The following RASGEF1B variants were observed in gnomAD, a reference collection of about 807,000 sequenced individuals.
RASGEF1B encodes the protein RasGEF domain family member 1B.
Under a neutral mutation model 65.7 loss-of-function variants are expected in RASGEF1B, and 30 were observed. The ratio of observed to expected loss-of-function variants is 0.46; its 90% confidence interval spans 0.34 to 0.62. The LOEUF is 0.62. RASGEF1B is among the 20% of genes least tolerant of loss of function. The probability of loss-of-function intolerance (pLI) is 0.01; values close to 1 mark genes in which losing one functional copy is unlikely to be tolerated. For missense variants in RASGEF1B, 495 were observed against 580.1 expected, an observed-to-expected ratio of 0.85 and a Z score of 1.51; for synonymous variants, 175 against 194.8, an observed-to-expected ratio of 0.90 and a Z score of 0.85.
intron 12 of RASGEF1B, among the ~76,000 whole-genome samples, chr4:81,433,019 C>A (rs542297227): frequency 6.7e-6 from 1 of 150,088 alleles, no homozygotes; most frequent in South Asian, 2.1e-4. Flanking sequence ...TGGAGACCAG[C>A]CTGGGCAACA....
At chr4:81,447,365 G>A (rs868523094) in intron 6 of RASGEF1B, 139 bp downstream of exon 6, 2 of 623,598 alleles carry the variant, frequency 3.2e-6, no homozygotes, top group Non-Finnish European at 2.8e-6. Flanking sequence ...TGAATCAGAC[G>A]TGGCTGATGG....
At chr4:81,467,567 A>G (rs1722883487) in intron 1 of RASGEF1B, among the ~76,000 whole-genome samples, 1 of 152,184 alleles carries the variant, frequency 6.6e-6, no homozygotes, top group Non-Finnish European at 1.5e-5. Flanking sequence ...CAGTTCCTAA[A>G]CCGGACAGTA....
At chr4:81,439,069 C>A (rs1721745598) in intron 10 of RASGEF1B, among the ~76,000 whole-genome samples, 1 of 152,072 alleles carries the variant, frequency 6.6e-6, no homozygotes, top group African/African-American at 2.4e-5. Context: ...GTCTTTACAG[C>A]AGAATGATTT....
At position 81,456,794 on chromosome 4, in the gene RASGEF1B, G is replaced by A. The variant is rs954655048; in HGVS notation, c.301-6C>T. ...GCAATTTTTCTCATCTGGTTCTAGGGAGAAATAGCAAATCTAATTCAGTGA... is the reference window on the plus strand; with the variant it reads ...GCAATTTTTCTCATCTGGTTCTAGGAAGAAATAGCAAATCTAATTCAGTGA... On this transcript the variant is annotated splice_region_variant and splice_polypyrimidine_tract_variant and intron_variant, in intron 3 of 13. Transcript: ENST00000264400. 3 of 1,599,722 alleles carry A rather than the reference G, an allele frequency of 1.9e-6. No individual in the cohort carries two copies. In the African/African-American group the frequency reaches 4.0e-5, roughly 22 times the overall value.
intron 1 of RASGEF1B, among the ~76,000 whole-genome samples, chr4:81,460,212 A>G (rs191072356): frequency 8.9e-4 from 136 of 152,258 alleles, no homozygotes; most frequent in Admixed American, 1.9e-3. Context: ...CTGATTTGGG[A>G]GCAAGGAGCA....
At chr4:81,442,147 CA>C in intron 9 of RASGEF1B, 149 bp downstream of exon 9, 1 of 624,888 alleles carries the variant, frequency 1.6e-6, no homozygotes, top group South Asian at 2.0e-5. Flanking sequence ...TTTTCCCCTC[CA>C]ATTCTACCCA....
chr4:81,443,340 A>C (rs1721912577), intron 8 of RASGEF1B, among the ~76,000 whole-genome samples: 1 of 152,196 alleles, frequency 6.6e-6, no homozygotes, highest in Admixed American at 6.5e-5. Context: ...TAATTAGATG[A>C]ATTTTGACTA....
intron 1 of RASGEF1B, 67 bp from the exon 2 acceptor site, chr4:81,459,581 T>C: frequency 8.5e-7 from 1 of 1,179,472 alleles, no homozygotes; most frequent in Non-Finnish European, 1.2e-6. Context: ...AAGGTAAGCT[T>C]TAATAGGCAC....
intron 13 of RASGEF1B, among the ~76,000 whole-genome samples, chr4:81,428,140 T>C (rs1001019557): frequency 1.7e-4 from 26 of 152,206 alleles, no homozygotes; most frequent in African/African-American, 5.8e-4. Context: ...TTGGTAGATA[T>C]AAGCATCTTC....
chr4:81,440,684 C>G (rs1225922754), intron 10 of RASGEF1B, 150 bp downstream of exon 10: 6 of 549,036 alleles, frequency 1.1e-5, no homozygotes, highest in Admixed American at 2.9e-5. Context: ...TTCTCCTTCT[C>G]TGTGTGTCAA....
In RASGEF1B at chr4:81,427,124, G is replaced by A. The variant is rs1560689273; in HGVS notation, c.*644C>T. On this transcript the variant is annotated 3_prime_UTR_variant, in exon 14 of 14. Coordinates refer to ENST00000264400, the MANE Select transcript of RASGEF1B (RefSeq NM_152545.3). Reference sequence around the variant, plus strand: ...CATTATTATATTAAATAACTTATATGGGTAAAAAGGAGTTTGCTAACCAGC... The same window carrying A: ...CATTATTATATTAAATAACTTATATAGGTAAAAAGGAGTTTGCTAACCAGC... 3.3e-5 allele frequency: 5 copies of A among 152,068 alleles called. No homozygotes were observed. 9.4% of individuals were successfully genotyped at this position (152,068 alleles called of 1,614,324 possible).
chr4:81,456,565 G>T, intron 4 of RASGEF1B, 86 bp downstream of exon 4: 1 of 1,420,146 alleles, frequency 7.0e-7, no homozygotes, highest in Non-Finnish European at 9.9e-7. Flanking sequence ...GGAAGCAGTG[G>T]AGATTAGGAT....
intron 8 of RASGEF1B, among the ~76,000 whole-genome samples, chr4:81,443,388 T>C (rs890679775): frequency 6.6e-6 from 1 of 152,176 alleles, no homozygotes; most frequent in East Asian, 1.9e-4. Flanking sequence ...AATCAAGATA[T>C]AGTAGCACAT....
At chr4:81,448,824 G>A (rs747320516) in intron 4 of RASGEF1B, among the ~76,000 whole-genome samples, 1 of 151,818 alleles carries the variant, frequency 6.6e-6, no homozygotes, top group East Asian at 1.9e-4. Context: ...GTTTTGTTTT[G>A]TTTTCTTTGA....
At chr4:81,442,059 A>C (rs1215125910) in intron 9 of RASGEF1B, among the ~76,000 whole-genome samples, 1 of 152,234 alleles carries the variant, frequency 6.6e-6, no homozygotes, top group Non-Finnish European at 1.5e-5. Context: ...TGTGACTGAC[A>C]GGTCACTATT....
chr4:81,453,728 C>T (rs1053153286), intron 4 of RASGEF1B: 2 of 152,136 alleles, frequency 1.3e-5, no homozygotes, highest in African/African-American at 2.4e-5. Context: ...CACCTAAGCA[C>T]GTGACTGATA....
At chr4:81,430,942 ATAATC>A (rs1481833030) in intron 13 of RASGEF1B, among the ~76,000 whole-genome samples, 2 of 152,204 alleles carry the variant, frequency 1.3e-5, no homozygotes, top group African/African-American at 4.8e-5. Context: ...AATTTTTAAA[ATAATC>A]TACAAGAAAA....
chr4:81,453,413 A>G (rs911507952), intron 4 of RASGEF1B: 2 of 152,140 alleles, frequency 1.3e-5, no homozygotes, highest in African/African-American at 4.8e-5. Flanking sequence ...TCTCTACATT[A>G]CTTATAATAG....
chr4:81,461,581 A>C (rs2109994371), intron 1 of RASGEF1B, among the ~76,000 whole-genome samples: 1 of 152,364 alleles, frequency 6.6e-6, no homozygotes, highest in East Asian at 1.9e-4. Context: ...CAAAGGAACC[A>C]CAGAAATCAC....
Sources: gnomAD v4.1 joint callset for allele counts (sites outside exome capture counted in the v4.1 genomes callset) on GRCh38, gnomAD v4.1.1 for gene constraint, MANE v1.5 for transcripts, NCBI Gene and HGNC (gene_info 2026-07-23, HGNC 2026-07-21) for gene names.